Variants in ARRB1 observed in about 807,000 individuals in gnomAD.
ARRB1 encodes arrestin beta 1.
In ARRB1, 21 loss-of-function variants were observed where a neutral mutation model predicts 56.8. That is an observed-to-expected ratio of 0.37 (90% CI 0.26 to 0.53). The LOEUF is 0.53. ARRB1 is among the 20% of genes least tolerant of loss of function. The pLI, the probability that ARRB1 is intolerant of heterozygous loss-of-function variation, is 0.88. For missense variants in ARRB1, 424 were observed against 553.7 expected, an observed-to-expected ratio of 0.77 and a Z score of 2.35; for synonymous variants, 210 against 218.6, an observed-to-expected ratio of 0.96 and a Z score of 0.35.
At chr11:75,297,430 G>A (rs1021912943) in intron 1 of ARRB1, among the ~76,000 whole-genome samples, 1 of 152,104 alleles carries the variant, frequency 6.6e-6, no homozygotes, top group African/African-American at 2.4e-5. Flanking sequence ...ATATATTTAT[G>A]GTCAATAGAT....
chr11:75,320,288 C>T (rs1591972702), intron 1 of ARRB1, among the ~76,000 whole-genome samples: 1 of 152,128 alleles, frequency 6.6e-6, no homozygotes, highest in Non-Finnish European at 1.5e-5. Flanking sequence ...GGAGTGGAGC[C>T]AGGCTGGCGG....
intron 1 of ARRB1, among the ~76,000 whole-genome samples, chr11:75,307,745 C>T (rs1947063918): frequency 6.6e-6 from 1 of 151,790 alleles, no homozygotes; most frequent in Admixed American, 6.5e-5. Flanking sequence ...CTCCAACTCC[C>T]CATTTATGCT....
intron 1 of ARRB1, among the ~76,000 whole-genome samples, chr11:75,313,124 G>T (rs562424554): frequency 1.3e-5 from 2 of 152,062 alleles, no homozygotes; most frequent in Non-Finnish European, 2.9e-5. Flanking sequence ...AGGCCAAGGC[G>T]GGCAGATCAC....
Position 75,265,363 on chromosome 11 carries a change from C to T in ARRB1, c.*800G>A, listed in dbSNP as rs1042926554. The T allele has an allele frequency of 3.9e-5, 6 of 152,322 alleles. No homozygotes were observed. The highest frequency in any genetic ancestry group is 3.9e-4 in the Admixed American group (6 of 15,284). The allele number at this position is 152,322 out of a possible 1,614,324, so 9.4% of individuals were successfully genotyped here. A position where few individuals can be genotyped will look rare whatever the true frequency, so the allele number is the denominator to read the frequency against. ...GCTGGGGGCTGGTGCTTGCTGAAGACCCCCTCCCTCCCTCCCTCTGCTTTT... is the reference window on the plus strand; with the variant it reads ...GCTGGGGGCTGGTGCTTGCTGAAGATCCCCTCCCTCCCTCCCTCTGCTTTT... On this transcript the variant is annotated 3_prime_UTR_variant, in exon 16 of 16. Transcript: ENST00000420843.
At chr11:75,309,146 G>A (rs2140478431) in intron 1 of ARRB1, among the ~76,000 whole-genome samples, 1 of 152,370 alleles carries the variant, frequency 6.6e-6, no homozygotes, top group South Asian at 2.1e-4. Flanking sequence ...AAGGTGGCCT[G>A]GGGAGGCCAG....
chr11:75,296,978 A>G (rs974810933), intron 1 of ARRB1, among the ~76,000 whole-genome samples: 3 of 152,210 alleles, frequency 2.0e-5, no homozygotes, highest in Admixed American at 1.3e-4. Context: ...AATATTATAC[A>G]GCACTGAAAT....
chr11:75,280,474 C>T (rs917849036), intron 7 of ARRB1, among the ~76,000 whole-genome samples: 1 of 152,192 alleles, frequency 6.6e-6, no homozygotes, highest in Admixed American at 6.5e-5. Flanking sequence ...GAGCACAGCC[C>T]GACCCAGGAG....
In ARRB1 at chr11:75,264,618, G is replaced by A. The variant is rs2282600; in HGVS notation, c.*1545C>T. 0.073 allele frequency: 11,114 copies of A among 152,162 alleles called. 553 individuals carry two copies. The highest frequency in any genetic ancestry group is 0.27 in the East Asian group (1,377 of 5,136). 9.4% of individuals were successfully genotyped at this position (152,162 alleles called of 1,614,324 possible). On this transcript the variant is annotated 3_prime_UTR_variant, in exon 16 of 16. Coordinates refer to ENST00000420843, the MANE Select transcript of ARRB1 (RefSeq NM_004041.5). ...TGCTCCATAGGGCCCTGCCACCTCTGAGGTCCAATAAATCCCCTCTGGAGG... is the reference window on the plus strand; with the variant it reads ...TGCTCCATAGGGCCCTGCCACCTCTAAGGTCCAATAAATCCCCTCTGGAGG...
intron 1 of ARRB1, among the ~76,000 whole-genome samples, chr11:75,315,007 GC>G (rs146431282): frequency 0.059 from 8,931 of 152,254 alleles, 337 homozygotes; most frequent in South Asian, 0.091. Flanking sequence ...CATTGAGAGA[GC>G]AGGGCCTGCA....
intron 1 of ARRB1, among the ~76,000 whole-genome samples, chr11:75,335,526 A>G (rs1320264172): frequency 1.3e-5 from 2 of 152,096 alleles, no homozygotes; most frequent in African/African-American, 4.8e-5. Flanking sequence ...TCAAGGCTAT[A>G]GTGAGCTATG....
intron 1 of ARRB1, among the ~76,000 whole-genome samples, chr11:75,300,967 C>CAAA (rs149559322): frequency 0.043 from 3,320 of 76,626 alleles, 291 homozygotes; most frequent in African/African-American, 0.16. Flanking sequence ...GACTCCGTCT[C>CAAA]AAAAAAAAAA....
At chr11:75,324,064 A>C (rs1591976236) in intron 1 of ARRB1, among the ~76,000 whole-genome samples, 1 of 152,232 alleles carries the variant, frequency 6.6e-6, no homozygotes, top group East Asian at 1.9e-4. Context: ...CAAGAAGCAC[A>C]AACACCAAAA....
chr11:75,289,560 T>G (rs1946557052), intron 2 of ARRB1, among the ~76,000 whole-genome samples: 2 of 152,086 alleles, frequency 1.3e-5, no homozygotes, highest in African/African-American at 2.4e-5. Flanking sequence ...GTCTACCTGC[T>G]AAACTGAGGG....
intron 13 of ARRB1, chr11:75,269,303 C>T (rs531949407): frequency 3.6e-5 from 16 of 444,320 alleles, no homozygotes; most frequent in Non-Finnish European, 6.9e-5. Flanking sequence ...CTGGGACCCC[C>T]CCCCACCTCA....
At chr11:75,298,590 T>C (rs1946818377) in intron 1 of ARRB1, among the ~76,000 whole-genome samples, 1 of 152,180 alleles carries the variant, frequency 6.6e-6, no homozygotes, top group African/African-American at 2.4e-5. Context: ...CTGGTGGGAA[T>C]GGAAAGTGGG....
At chr11:75,277,886 G>A (rs888819281) in intron 8 of ARRB1, among the ~76,000 whole-genome samples, 5 of 152,258 alleles carry the variant, frequency 3.3e-5, no homozygotes, top group African/African-American at 7.2e-5. Context: ...CAGTGTGACC[G>A]TGGGTAGGTT....
Position 75,265,937 on chromosome 11 carries a change from G to A in ARRB1, c.*226C>T. The A allele has an allele frequency of 3.6e-6, 2 of 554,246 alleles. No individual in the cohort carries two copies. The highest frequency in any genetic ancestry group is 6.5e-6 in the Non-Finnish European group (2 of 308,714). The allele number at this position is 554,246 out of a possible 1,614,324, so 34.3% of individuals were successfully genotyped here. A position where few individuals can be genotyped will look rare whatever the true frequency, so the allele number is the denominator to read the frequency against. On this transcript the variant is annotated 3_prime_UTR_variant, in exon 16 of 16. Coordinates refer to ENST00000420843, the MANE Select transcript of ARRB1 (RefSeq NM_004041.5). ...ACAGCATGAAAAGGAGGGGAGTGGA[G>A]ATGGCAGAGATGGGGTGGAGCCAGT...
At chr11:75,312,318 C>T (rs1019756676) in intron 1 of ARRB1, among the ~76,000 whole-genome samples, 15 of 152,216 alleles carry the variant, frequency 9.9e-5, no homozygotes, top group African/African-American at 3.6e-4. Flanking sequence ...CCTAGGACCC[C>T]TGACCGCCGA....
intron 15 of ARRB1, among the ~76,000 whole-genome samples, chr11:75,267,033 T>C (rs35702714): frequency 0.017 from 2,643 of 152,176 alleles, 36 homozygotes; most frequent in Non-Finnish European, 0.026. Flanking sequence ...CCAACAGGGT[T>C]CAGCCAGTGC....
Sources: allele counts gnomAD v4.1 joint callset (sites outside exome capture counted in the v4.1 genomes callset), GRCh38; gene constraint gnomAD v4.1.1; transcripts MANE v1.5; gene names NCBI Gene and HGNC (gene_info 2026-07-23, HGNC 2026-07-21).